Variants in KIF13A observed in about 807,000 individuals in gnomAD.
KIF13A encodes kinesin-like protein KIF13A.
A neutral mutation model predicts 212.2 loss-of-function variants in KIF13A; 79 were observed. The observed-to-expected ratio is 0.37, with a 90% CI of 0.31 to 0.45. The LOEUF (loss-of-function observed/expected upper bound fraction) is 0.45. Among genes scored for constraint, KIF13A ranks in the 20% least tolerant of loss-of-function variants. The probability of loss-of-function intolerance (pLI) is 1.00; values close to 1 mark genes in which losing one functional copy is unlikely to be tolerated. For missense variants in KIF13A, 1,901 were observed against 2,209.0 expected (o/e 0.86, Z 2.79); for synonymous variants, 789 against 808.6 (o/e 0.98, Z 0.41).
intron 6 of KIF13A, among the ~76,000 whole-genome samples, chr6:17,854,358 G>A (rs1184816321): frequency 1.3e-5 from 2 of 151,856 alleles, no homozygotes; most frequent in African/African-American, 2.4e-5. Context: ...GGCTGGTCTC[G>A]AACTCCTGAC....
At chr6:17,791,602 T>C in intron 25 of KIF13A, among the ~76,000 whole-genome samples, 1 of 152,112 alleles carries the variant, frequency 6.6e-6, no homozygotes, top group East Asian at 1.9e-4. Flanking sequence ...AGCTGTTTTT[T>C]AAAAAATGTG....
chr6:17,821,911 A>G, intron 16 of KIF13A: 1 of 1,535,486 alleles, frequency 6.5e-7, no homozygotes, highest in Non-Finnish European at 8.7e-7. Context: ...GCCACCTAGC[A>G]GTAGAGGGGA....
intron 2 of KIF13A, among the ~76,000 whole-genome samples, chr6:17,955,010 A>G (rs1446769298): frequency 6.6e-6 from 1 of 152,078 alleles, no homozygotes; most frequent in Non-Finnish European, 1.5e-5. Flanking sequence ...TAGAGATGGA[A>G]TATCTCTCTA....
intron 2 of KIF13A, among the ~76,000 whole-genome samples, chr6:17,925,976 CT>C (rs1170775648): frequency 3.9e-5 from 6 of 152,254 alleles, no homozygotes; most frequent in Middle Eastern, 3.4e-3. Context: ...TAACCTGCCC[CT>C]AACCCAACTC....
Position 17,921,554 on chromosome 6 carries a change from G to A in KIF13A, c.147-23374C>T, listed in dbSNP as rs567605343. On this transcript the variant is annotated intron_variant, in intron 2 of 38. Coordinates refer to ENST00000259711, the MANE Select transcript of KIF13A (RefSeq NM_022113.6). ...ATGCAAACAGCTGAGCTTTTTATTCGCACTTTGATCATTTCCATTGGGGTA... is the reference window on the plus strand; with the variant it reads ...ATGCAAACAGCTGAGCTTTTTATTCACACTTTGATCATTTCCATTGGGGTA... 1.7e-4 allele frequency among the ~76,000 whole-genome samples: 26 copies of A among 152,238 alleles called. 1 individual carries two copies. The highest frequency in any genetic ancestry group is 7.8e-4 in the Admixed American group (12 of 15,296).
chr6:17,780,873 G>GC lies in KIF13A; in HGVS notation c.3702dup (p.His1235AlafsTer2). The GC allele has an allele frequency of 6.2e-7, 1 of 1,613,866 alleles. No individual in the cohort carries two copies. The highest frequency in any genetic ancestry group is 8.5e-7 in the Non-Finnish European group (1 of 1,179,798). On this transcript the variant is annotated frameshift_variant, in exon 31 of 39. Coordinates refer to ENST00000259711, the MANE Select transcript of KIF13A (RefSeq NM_022113.6). LOFTEE classifies it high-confidence loss of function. ...ACCCTATTCAAGTGAACAGAATCAT[G>GC]CACCGAGGAATCCCAAGAGGCTGTG...
At position 17,826,061 on chromosome 6, in the gene KIF13A, T is replaced by C. The variant is rs755266289; in HGVS notation, c.1596A>G (p.Leu532=). 1.2e-5 allele frequency: 20 copies of C among 1,613,926 alleles called. No individual in the cohort carries two copies. In the East Asian group the frequency reaches 3.3e-4, roughly 27 times the overall value. The change falls in exon 15 of 39, where the codon CTA becomes CTG. Residue 532 remains leucine, a synonymous_variant. Coordinates refer to ENST00000259711, the MANE Select transcript of KIF13A (RefSeq NM_022113.6). This position sits in a 1 kb window ranked among gnomAD's most constrained non-coding sequence, Gnocchi z 4.7. ...TTQLWHGDRI[L]WGNNHFFRIN... ...ACCTAAAAAAGTGATTATTTCCCCA[T>C]AGGATTCGGTCACCATGCCACAGCT...
At position 17,982,214 on chromosome 6, in the gene KIF13A, G is replaced by A. The variant is rs544702832; in HGVS notation, c.146+4840C>T. 185 of 153,026 alleles carry A rather than the reference G, an allele frequency of 1.2e-3. No individual in the cohort carries two copies. Among genetic ancestry groups the A allele is most frequent in the Middle Eastern group, 3.4e-3 (1 of 296 alleles). 9.5% of individuals were successfully genotyped at this position (153,026 alleles called of 1,614,324 possible). On this transcript the variant is annotated intron_variant, in intron 2 of 38. Coordinates refer to ENST00000259711, the MANE Select transcript of KIF13A (RefSeq NM_022113.6). The surrounding 1 kb of genome is among the most constrained non-coding windows in gnomAD (Gnocchi z 5.1). The stretch of plus-strand genomic sequence containing the variant: ...GGGTTCAAGTGATTCTCCTGCCTCT[G>A]CCTCCTAAGTAGCTGGGATTATAGG...
rs1210339168 is a variant in KIF13A, at chr6:17,886,833, A to AACC, written c.159+11332_159+11334dup. On this transcript the variant is annotated intron_variant, in intron 3 of 38. Transcript: ENST00000259711. The surrounding 1 kb of genome is among the most constrained non-coding windows in gnomAD (Gnocchi z 5.6). The stretch of plus-strand genomic sequence containing the variant: ...AACAACAACAACCACAACTACTAAC[A>AACC]ACCACCACCACCACCCTATGTTTCT... Among the ~76,000 whole-genome samples the AACC allele has an allele frequency of 1.3e-5, 2 of 151,824 alleles. No individual in the cohort carries two copies. The highest frequency in any genetic ancestry group is 4.2e-4 in the South Asian group (2 of 4,804).
intron 17 of KIF13A, chr6:17,812,648 T>G (rs1238470241): frequency 6.6e-6 from 1 of 152,250 alleles, no homozygotes; most frequent in Non-Finnish European, 1.5e-5. Context: ...TACATGTGCA[T>G]GTGTCTTTAT....
rs982823253 is a variant in KIF13A at position 17,869,512 on chromosome 6, C to T, written c.220+3865G>A. Among the ~76,000 whole-genome samples, 6 of 152,094 alleles carry T rather than the reference C, an allele frequency of 3.9e-5. No individual in the cohort carries two copies. The East Asian group carries it at 7.7e-4, about 20-fold the overall frequency. On this transcript the variant is annotated intron_variant, in intron 4 of 38. Transcript: ENST00000259711. ...TTACCATATGAGGAAACAGAAGGATCGTGAGATTCAGTAACTCACCCGGCC... is the reference window on the plus strand; with the variant it reads ...TTACCATATGAGGAAACAGAAGGATTGTGAGATTCAGTAACTCACCCGGCC...
In KIF13A at chr6:17,895,446, T is replaced by C. The variant is rs968529074; in HGVS notation, c.159+2722A>G. On this transcript the variant is annotated intron_variant, in intron 3 of 38. Transcript: ENST00000259711. This position sits in a 1 kb window ranked among gnomAD's most constrained non-coding sequence, Gnocchi z 4.4. ...GCACCTGCATTCTGGTATCACTTTG[T>C]TCCAATTTTTGTGCTTGAGATTTCC... Among the ~76,000 whole-genome samples, 6 of 152,218 alleles carry C rather than the reference T, an allele frequency of 3.9e-5. No homozygotes were observed. Among genetic ancestry groups the C allele is most frequent in the African/African-American group, 9.6e-5 (4 of 41,468 alleles).
At chr6:17,866,156 T>C (rs1769342404) in intron 4 of KIF13A, among the ~76,000 whole-genome samples, 1 of 152,252 alleles carries the variant, frequency 6.6e-6, no homozygotes, top group African/African-American at 2.4e-5. Flanking sequence ...TCTTATTTGA[T>C]GGTGTTTTAC....
In KIF13A at chr6:17,892,655, A is replaced by T. The variant is rs2150473285; in HGVS notation, c.159+5513T>A. Among the ~76,000 whole-genome samples the T allele has an allele frequency of 6.6e-6, 1 of 152,338 alleles. No homozygotes were observed. Among genetic ancestry groups the T allele is most frequent in the East Asian group, 1.9e-4 (1 of 5,188 alleles). On this transcript the variant is annotated intron_variant, in intron 3 of 38. Transcript: ENST00000259711. The surrounding 1 kb of genome is among the most constrained non-coding windows in gnomAD (Gnocchi z 4.7). ...ACTTCTGGGAGGGGAGAGACACTAG[A>T]GACTGAGTTCAATGGATTCAATCAA...
chr6:17,963,630 T>C lies in KIF13A; in HGVS notation c.146+23424A>G, dbSNP rs1408002135. Among the ~76,000 whole-genome samples, 1 of 152,210 alleles carries C rather than the reference T, an allele frequency of 6.6e-6. No homozygotes were observed. The highest frequency in any genetic ancestry group is 1.5e-5 in the Non-Finnish European group (1 of 68,038). ...TGGAGTGCTGCGCGTGATCGCAGCT[T>C]ACTGCAACCTCCGCCTCCTGGGTTC... is the stretch of plus-strand genomic sequence containing the variant. On this transcript the variant is annotated intron_variant, in intron 2 of 38. Transcript: ENST00000259711. This position sits in a 1 kb window ranked among gnomAD's most constrained non-coding sequence, Gnocchi z 4.1.
intron 32 of KIF13A, among the ~76,000 whole-genome samples, 152 bp from the exon 33 acceptor site, chr6:17,779,251 ATATATATTTTTTTTTTTTTTTTTTTTTT>A (rs1760282362): frequency 2.2e-4 from 2 of 9,290 alleles, no homozygotes; most frequent in African/African-American, 9.9e-4. Flanking sequence ...ATATATATAT[ATATATATTTTTTTTTTTTTTTTTTTTTT>A]TTTTTTTTTG....
intron 19 of KIF13A, among the ~76,000 whole-genome samples, chr6:17,805,043 T>C (rs1762822374): frequency 6.6e-6 from 1 of 152,084 alleles, no homozygotes; most frequent in South Asian, 2.1e-4. Flanking sequence ...TATGCAAGCT[T>C]AAATTACTCT....
chr6:17,801,076 GA>G (rs1762437260), intron 20 of KIF13A, among the ~76,000 whole-genome samples: 1 of 152,060 alleles, frequency 6.6e-6, no homozygotes, highest in South Asian at 2.1e-4. Context: ...TCATGTGAGT[GA>G]ATATGAAATG....
intron 2 of KIF13A, among the ~76,000 whole-genome samples, chr6:17,970,978 A>G (rs903275064): frequency 1.3e-5 from 2 of 152,248 alleles, no homozygotes; most frequent in Non-Finnish European, 2.9e-5. Context: ...CACTTTTACA[A>G]ATTTCAATTT....
Sources: allele counts gnomAD v4.1 joint callset (sites outside exome capture counted in the v4.1 genomes callset), GRCh38; gene constraint gnomAD v4.1.1; non-coding constraint Gnocchi (gnomAD v3.1); transcripts MANE v1.5; gene names NCBI Gene and HGNC (gene_info 2026-07-23, HGNC 2026-07-21).